Variants in LYN observed in about 807,000 individuals in gnomAD.
The protein encoded by LYN is tyrosine-protein kinase Lyn.
Under a neutral mutation model 65.0 loss-of-function variants are expected in LYN, and 12 were observed. That is an observed-to-expected ratio of 0.18 (90% confidence interval 0.12 to 0.30). The LOEUF is 0.30. Ranked by LOEUF, LYN falls within the 10% of genes least tolerant of loss-of-function variation. The pLI is 1.00. For synonymous variants in LYN, 222 were observed against 221.2 expected, an observed-to-expected ratio of 1.00 and a Z score of -0.03; for missense variants, 380 against 623.2, an observed-to-expected ratio of 0.61 and a Z score of 4.16.
intron 10 of LYN, among the ~76,000 whole-genome samples, chr8:55,995,788 C>T (rs1808359340): frequency 6.6e-6 from 1 of 152,112 alleles, no homozygotes; most frequent in Non-Finnish European, 1.5e-5. Flanking sequence ...GGGGCCGGGT[C>T]ATACGGGGCC....
In LYN at chr8:55,887,561, T is replaced by TAAATAA. The variant is rs201517305; in HGVS notation, c.-6+7459_-6+7460insAATAAA. On this transcript the variant is annotated intron_variant, in intron 1 of 12. Transcript: ENST00000519728. Reference sequence around the variant, plus strand: ...TAAATCCCATATAAAAATATAAATATATATATATATATATACACACACACA... The same window carrying TAAATAA: ...TAAATCCCATATAAAAATATAAATATAAATAAATATATATATATATACACACACACA... 1.8e-3 allele frequency among the ~76,000 whole-genome samples: 114 copies of TAAATAA among 63,850 alleles called. 5 individuals are homozygous for TAAATAA. The highest frequency in any genetic ancestry group is 0.014 in the Middle Eastern group (2 of 142). 41.9% of individuals were successfully genotyped at this position (63,850 alleles called of 152,430 possible).
In LYN at chr8:55,946,390, G is replaced by A. The variant is rs142840592; in HGVS notation, c.133-58G>A. The A allele has an allele frequency of 1.8e-4, 192 of 1,081,794 alleles. No homozygotes were observed. In the East Asian group the frequency reaches 4.3e-3, roughly 24 times the overall value. 67.0% of individuals were successfully genotyped at this position (1,081,794 alleles called of 1,614,324 possible). A position where few individuals can be genotyped will look rare whatever the true frequency, so the allele number is the denominator to read the frequency against. On this transcript the variant is annotated intron_variant, in intron 2 of 12. Transcript: ENST00000519728. The stretch of plus-strand genomic sequence containing the variant: ...GTTACAAAAATCATATATACAACAC[G>A]AATGTGAGTAAGAAAAGCTAAACAG...
intron 12 of LYN, among the ~76,000 whole-genome samples, chr8:56,000,137 A>G (rs2130586399): frequency 6.6e-6 from 1 of 152,170 alleles, no homozygotes; most frequent in Non-Finnish European, 1.5e-5. Context: ...TGGTGTCGAG[A>G]TGAGGATGGA....
intron 9 of LYN, among the ~76,000 whole-genome samples, chr8:55,967,868 A>C (rs1207129309): frequency 6.6e-6 from 1 of 152,220 alleles, no homozygotes; most frequent in Non-Finnish European, 1.5e-5. Flanking sequence ...ATAAACTGCC[A>C]AATTATTTTT....
In LYN at chr8:55,944,171, A is replaced by G. The variant is rs541055714; in HGVS notation, c.132+2180A>G. On this transcript the variant is annotated intron_variant, in intron 2 of 12. Transcript: ENST00000519728. Reference sequence around the variant, plus strand: ...ATGTTTCTTGATAAATTAACATTGTAATTTTATATATAGAAAATATATGTA... The same window carrying G: ...ATGTTTCTTGATAAATTAACATTGTGATTTTATATATAGAAAATATATGTA... Among the ~76,000 whole-genome samples, 6 of 152,302 alleles carry G rather than the reference A, an allele frequency of 3.9e-5. No individual in the cohort carries two copies. The South Asian group carries it at 1.2e-3, about 32-fold the overall frequency.
chr8:55,940,299 T>G (rs1213824703), intron 1 of LYN: 1 of 152,256 alleles, frequency 6.6e-6, no homozygotes, highest in African/African-American at 2.4e-5. Flanking sequence ...CAGAAGAGTT[T>G]CCCGGACAGT....
At chr8:55,955,140 A>G (rs1284593440) in intron 8 of LYN, 1 of 152,272 alleles carries the variant, frequency 6.6e-6, no homozygotes, top group Non-Finnish European at 1.5e-5. Context: ...CCACGTGGAC[A>G]CGTCACCTCT....
At position 56,010,381 on chromosome 8, in the gene LYN, G is replaced by A; in HGVS notation, c.*271G>A. ...TGACAACATCTGAGTGCAGCCGTTT[G>A]AGAAGAAAACATCTATTCTCTCCAA... is the stretch of plus-strand genomic sequence containing the variant. On this transcript the variant is annotated 3_prime_UTR_variant, in exon 13 of 13. Transcript: ENST00000519728. 2.3e-6 allele frequency: 1 copy of A among 442,384 alleles called. No individual in the cohort carries two copies. Among genetic ancestry groups the A allele is most frequent in the East Asian group, 3.9e-5 (1 of 25,834 alleles). 27.4% of individuals were successfully genotyped at this position (442,384 alleles called of 1,614,324 possible). A position where few individuals can be genotyped will look rare whatever the true frequency, so the allele number is the denominator to read the frequency against.
At chr8:56,000,509 A>G (rs1441627731) in intron 12 of LYN, among the ~76,000 whole-genome samples, 2 of 151,916 alleles carry the variant, frequency 1.3e-5, no homozygotes, top group Non-Finnish European at 2.9e-5. Flanking sequence ...TGGGTGAATC[A>G]CGAGGTCAGG....
intron 1 of LYN, among the ~76,000 whole-genome samples, chr8:55,913,473 A>G (rs1479147717): frequency 6.6e-6 from 1 of 152,232 alleles, no homozygotes; most frequent in African/African-American, 2.4e-5. Flanking sequence ...TCTAGAAAAC[A>G]CCAACTTGAA....
intron 8 of LYN, among the ~76,000 whole-genome samples, chr8:55,966,229 T>G (rs1032993431): frequency 6.6e-6 from 1 of 152,182 alleles, no homozygotes; most frequent in Non-Finnish European, 1.5e-5. Context: ...TTTAAACATT[T>G]TTTGGTAAAG....
chr8:55,914,239 G>A (rs552812557), intron 1 of LYN, among the ~76,000 whole-genome samples: 3 of 151,968 alleles, frequency 2.0e-5, no homozygotes, highest in Non-Finnish European at 2.9e-5. Context: ...GAGGTCGGCC[G>A]TGGAGTGGAG....
chr8:55,921,927 A>G (rs1396539402), intron 1 of LYN, among the ~76,000 whole-genome samples: 2 of 152,216 alleles, frequency 1.3e-5, no homozygotes, highest in East Asian at 3.8e-4. Flanking sequence ...CACTGATAAT[A>G]CAAGGGTGTG....
chr8:55,999,584 A>G (rs371939862), intron 12 of LYN, 35 bp downstream of exon 12: 62 of 1,605,068 alleles, frequency 3.9e-5, no homozygotes, highest in Non-Finnish European at 5.0e-5. Flanking sequence ...ATCAAGCTGT[A>G]TAAATGAGAA....
At chr8:55,927,633 G>A (rs1236106473) in intron 1 of LYN, among the ~76,000 whole-genome samples, 3 of 152,028 alleles carry the variant, frequency 2.0e-5, no homozygotes, top group Non-Finnish European at 4.4e-5. Flanking sequence ...TCAGGAGTTC[G>A]AGACCAGCCT....
At chr8:55,977,721 T>C (rs1807795727) in intron 10 of LYN, among the ~76,000 whole-genome samples, 1 of 140,196 alleles carries the variant, frequency 7.1e-6, no homozygotes, top group Non-Finnish European at 1.5e-5. Context: ...GAGCCCAGCC[T>C]GGGCAACACA....
At chr8:55,885,107 G>T (rs913083977) in intron 1 of LYN, among the ~76,000 whole-genome samples, 11 of 152,148 alleles carry the variant, frequency 7.2e-5, no homozygotes, top group African/African-American at 2.7e-4. Context: ...CCAGGAATTG[G>T]CATGAGCTGA....
rs1025981622 is a variant in LYN at position 55,929,085 on chromosome 8, A to G, written c.-5-12770A>G. On this transcript the variant is annotated intron_variant, in intron 1 of 12. Transcript: ENST00000519728. Reference sequence around the variant, plus strand: ...TGTTGAATTGTCTTTGCTCTTTTTGAAAGATCAGTTGACTATATTTGTGTG... The same window carrying G: ...TGTTGAATTGTCTTTGCTCTTTTTGGAAGATCAGTTGACTATATTTGTGTG... 9.2e-5 allele frequency among the ~76,000 whole-genome samples: 14 copies of G among 152,162 alleles called. 1 individual carries two copies. The highest frequency in any genetic ancestry group is 1.5e-5 in the Non-Finnish European group (1 of 68,028).
chr8:55,939,319 C>T (rs1585619381), intron 1 of LYN, among the ~76,000 whole-genome samples: 2 of 152,194 alleles, frequency 1.3e-5, no homozygotes, highest in African/African-American at 4.8e-5. Flanking sequence ...ACAGTGCATA[C>T]ATTCGATGTT....
Sources: allele counts gnomAD v4.1 joint callset (sites outside exome capture counted in the v4.1 genomes callset), GRCh38; gene constraint gnomAD v4.1.1; transcripts MANE v1.5; gene names NCBI Gene and HGNC (gene_info 2026-07-23, HGNC 2026-07-21).